ADAM32: variants seen among roughly 807,000 people sequenced by gnomAD.
ADAM32 encodes the protein disintegrin and metalloproteinase domain-containing protein 32.
A neutral mutation model predicts 114.9 loss-of-function variants in ADAM32; 89 were observed. The observed-to-expected ratio is 0.77, with a 90% CI of 0.65 to 0.92. ADAM32 has a LOEUF of 0.92. Ranked by LOEUF, ADAM32 falls within the 40% of genes least tolerant of loss-of-function variation. The probability of loss-of-function intolerance (pLI) is 0.00; values close to 1 mark genes in which losing one functional copy is unlikely to be tolerated. For missense variants in ADAM32, 870 were observed against 932.8 expected (o/e 0.93, Z 0.88); for synonymous variants, 285 against 307.5 (o/e 0.93, Z 0.77).
At chr8:39,156,766 TCTTC>T (rs1323710590) in intron 6 of ADAM32, among the ~76,000 whole-genome samples, 1 of 152,180 alleles carries the variant, frequency 6.6e-6, no homozygotes, top group African/African-American at 2.4e-5. Flanking sequence ...CTGCACAAGG[TCTTC>T]CTTCTGTGTT....
In ADAM32 at chr8:39,148,590, G is replaced by A. The variant is rs182581854; in HGVS notation, c.277-1201G>A. ...CTCCCCAGTGCAATATAATCATCCC[G>A]AGGGCAGGGCTTTTGGTCTGTTTTA... On this transcript the variant is annotated intron_variant, in intron 4 of 24. Transcript: ENST00000379907. 3.3e-5 allele frequency among the ~76,000 whole-genome samples: 5 copies of A among 151,234 alleles called. No homozygotes were observed. The East Asian group carries it at 7.8e-4, about 24-fold the overall frequency.
intron 11 of ADAM32, among the ~76,000 whole-genome samples, chr8:39,188,371 A>ATCTGTCTG (rs57295844): frequency 3.3e-5 from 5 of 151,346 alleles, no homozygotes; most frequent in Admixed American, 6.6e-5. Flanking sequence ...CTGTCTATCT[A>ATCTGTCTG]TCTGTCTGTC....
At chr8:39,174,165 T>C (rs1805368620) in intron 10 of ADAM32, among the ~76,000 whole-genome samples, 1 of 152,196 alleles carries the variant, frequency 6.6e-6, no homozygotes, top group Non-Finnish European at 1.5e-5. Context: ...GAGTCCAGTT[T>C]CAATTTTCTG....
Position 39,107,814 on chromosome 8 carries a change from C to T in ADAM32, c.39C>T (p.Gly13=). 6.5e-7 allele frequency: 1 copy of T among 1,548,072 alleles called. No homozygotes were observed. ...RLWLLLAGLC[G]LLASRPGFQN... ...GGTTGCTGCTGGCCGGGCTCTGCGGCCTCCTGGCGTCAAGACCCGGTGAGC... is the reference window on the plus strand; with the variant it reads ...GGTTGCTGCTGGCCGGGCTCTGCGGTCTCCTGGCGTCAAGACCCGGTGAGC... The change falls in exon 1 of 25, where the codon GGC becomes GGT. Residue 13 remains glycine (G), a synonymous_variant. Coordinates refer to ENST00000379907, the MANE Select transcript of ADAM32 (RefSeq NM_145004.7).
At chr8:39,146,753 T>G (rs1262726743) in intron 3 of ADAM32, among the ~76,000 whole-genome samples, 2 of 152,230 alleles carry the variant, frequency 1.3e-5, no homozygotes, top group Admixed American at 1.3e-4. Flanking sequence ...CTCTTCTTTT[T>G]TTCTTAAAAG....
chr8:39,230,367 T>C (rs1809658602), intron 14 of ADAM32, among the ~76,000 whole-genome samples: 1 of 152,126 alleles, frequency 6.6e-6, no homozygotes, highest in Admixed American at 6.5e-5. Flanking sequence ...AGGGAGAAAT[T>C]AATGAGAGGG....
chr8:39,224,713 A>T (rs182464009), intron 14 of ADAM32, among the ~76,000 whole-genome samples: 1 of 152,038 alleles, frequency 6.6e-6, no homozygotes, highest in Non-Finnish European at 1.5e-5. Flanking sequence ...GCTTTTCACT[A>T]TGTTGATTTT....
intron 11 of ADAM32, among the ~76,000 whole-genome samples, chr8:39,198,225 AG>A (rs1807144240): frequency 1.3e-5 from 2 of 151,834 alleles, no homozygotes; most frequent in Non-Finnish European, 2.9e-5. Context: ...GAGTTTTTAT[AG>A]GCAGCATATA....
intron 17 of ADAM32, among the ~76,000 whole-genome samples, chr8:39,249,202 C>A (rs191539539): frequency 2.6e-5 from 4 of 152,128 alleles, no homozygotes; most frequent in African/African-American, 4.8e-5. Context: ...CTGTGCCAGG[C>A]CTGAGTGTTG....
chr8:39,169,875 G>T lies in ADAM32; in HGVS notation c.834-41G>T, dbSNP rs762069777. 3.6e-6 allele frequency: 5 copies of T among 1,394,152 alleles called. No individual in the cohort carries two copies. In the South Asian group the frequency reaches 4.0e-5, roughly 11 times the overall value. 86.4% of individuals were successfully genotyped at this position (1,394,152 alleles called of 1,614,324 possible). A position where few individuals can be genotyped will look rare whatever the true frequency, so the allele number is the denominator to read the frequency against. The stretch of plus-strand genomic sequence containing the variant: ...TAGCAGGAATTCTCATTTTTAAATT[G>T]TCTGTTAAAATCAATTATAAATGTA... On this transcript the variant is annotated intron_variant, in intron 9 of 24. Transcript: ENST00000379907.
At chr8:39,205,332 G>A (rs183046866) in intron 11 of ADAM32, among the ~76,000 whole-genome samples, 2,420 of 152,266 alleles carry the variant, frequency 0.016, 73 homozygotes, top group African/African-American at 0.055. Flanking sequence ...AATGGCAGGC[G>A]CCCCTCCCCC....
chr8:39,213,540 A>G (rs1186612871), intron 12 of ADAM32, among the ~76,000 whole-genome samples: 1 of 152,114 alleles, frequency 6.6e-6, no homozygotes, highest in Non-Finnish European at 1.5e-5. Flanking sequence ...TTATACATAC[A>G]TCTATTGCAC....
At chr8:39,146,758 TA>T (rs1190374904) in intron 3 of ADAM32, among the ~76,000 whole-genome samples, 1 of 152,194 alleles carries the variant, frequency 6.6e-6, no homozygotes, top group East Asian at 1.9e-4. Flanking sequence ...CTTTTTTTCT[TA>T]AAAGGAGTCC....
At chr8:39,123,446 T>C (rs902913513) in intron 2 of ADAM32, among the ~76,000 whole-genome samples, 3 of 152,198 alleles carry the variant, frequency 2.0e-5, no homozygotes, top group Non-Finnish European at 2.9e-5. Flanking sequence ...TTTCAACATA[T>C]GGATTTGGTC....
At chr8:39,220,791 A>T (rs1458067921) in intron 12 of ADAM32, 1 of 151,902 alleles carries the variant, frequency 6.6e-6, no homozygotes, top group Non-Finnish European at 1.5e-5. Context: ...TATGATTTTA[A>T]TTGTTTTTTG....
intron 12 of ADAM32, among the ~76,000 whole-genome samples, chr8:39,216,605 A>G (rs971760748): frequency 1.3e-5 from 2 of 150,298 alleles, no homozygotes; most frequent in Non-Finnish European, 3.0e-5. Context: ...TTTTCTGTGT[A>G]TCTGTTATAT....
intron 9 of ADAM32, 53 bp downstream of exon 9, chr8:39,165,249 TA>T (rs1804757518): frequency 1.6e-6 from 2 of 1,252,906 alleles, no homozygotes; most frequent in Middle Eastern, 2.7e-4. Context: ...CTGTGATAAT[TA>T]TGTGGCTTAA....
chr8:39,240,903 C>A (rs150994718), intron 16 of ADAM32, among the ~76,000 whole-genome samples: 194 of 152,280 alleles, frequency 1.3e-3, no homozygotes, highest in African/African-American at 4.3e-3. Flanking sequence ...CCCCCAAAGT[C>A]TTAACTCATT....
intron 14 of ADAM32, among the ~76,000 whole-genome samples, chr8:39,230,383 T>C (rs1352385726): frequency 6.6e-6 from 1 of 152,204 alleles, no homozygotes; most frequent in Non-Finnish European, 1.5e-5. Flanking sequence ...GAGGGGGTTA[T>C]TGGTAACTTT....
Sources: gnomAD v4.1 joint callset for allele counts (sites outside exome capture counted in the v4.1 genomes callset) on GRCh38, gnomAD v4.1.1 for gene constraint, MANE v1.5 for transcripts, NCBI Gene and HGNC (gene_info 2026-07-23, HGNC 2026-07-21) for gene names.